Variants in SPATA6L observed in about 807,000 individuals in gnomAD.
The protein encoded by SPATA6L is spermatogenesis associated 6-like protein.
SPATA6L carries 68 observed loss-of-function variants against 49.2 expected under a neutral mutation model. The ratio of observed to expected loss-of-function variants is 1.38; its 90% CI spans 1.14 to 1.69. SPATA6L has a LOEUF of 1.69. Among genes scored for constraint, SPATA6L ranks in the 40% most tolerant of loss-of-function variants. SPATA6L has a pLI of 0.00. For missense variants in SPATA6L, 668 were observed against 464.3 expected (o/e 1.44, Z -4.03); for synonymous variants, 198 against 165.7 (o/e 1.19, Z -1.50).
At chr9:4,604,369 C>A (rs1564113184) in intron 10 of SPATA6L, 100 bp from the exon 11 acceptor site, 2 of 710,072 alleles carry the variant, frequency 2.8e-6, no homozygotes, top group South Asian at 3.5e-5. Context: ...CTGTGCATCC[C>A]ATTTATGCCG....
At chr9:4,641,249 G>A (rs1350031011) in intron 3 of SPATA6L, among the ~76,000 whole-genome samples, 1 of 152,040 alleles carries the variant, frequency 6.6e-6, no homozygotes, top group Admixed American at 6.6e-5. Flanking sequence ...TATATATACT[G>A]TATTTAATAT....
chr9:4,629,246 A>G (rs1468900671), intron 4 of SPATA6L, 78 bp from the exon 5 acceptor site: 5 of 940,960 alleles, frequency 5.3e-6, no homozygotes, highest in South Asian at 1.5e-5. Context: ...TTGAAATCAT[A>G]CAAGAACCTA....
intron 3 of SPATA6L, among the ~76,000 whole-genome samples, chr9:4,653,272 T>C (rs1157516303): frequency 2.0e-5 from 3 of 152,216 alleles, no homozygotes; most frequent in African/African-American, 7.2e-5. Context: ...GAATGGTCTT[T>C]TATCAAATGG....
Position 4,600,160 on chromosome 9 carries a change from G to A in SPATA6L, c.*651C>T, listed in dbSNP as rs10815027. 0.71 allele frequency among the ~76,000 whole-genome samples: 107,164 copies of A among 151,726 alleles called. 38,463 individuals are homozygous for A. The highest frequency in any genetic ancestry group is 0.81 in the Middle Eastern group (237 of 294). Reference sequence around the variant, plus strand: ...TAAATTTACAAAGAATTGCTGGAACGAAGGAGTAGGAAACAGAAGGAGCAG... The same window carrying A: ...TAAATTTACAAAGAATTGCTGGAACAAAGGAGTAGGAAACAGAAGGAGCAG... On this transcript the variant is annotated 3_prime_UTR_variant, in exon 12 of 12. Coordinates refer to ENST00000682582, the MANE Select transcript of SPATA6L (RefSeq NM_001353486.2).
intron 3 of SPATA6L, among the ~76,000 whole-genome samples, chr9:4,637,124 A>G (rs1832965982): frequency 6.6e-6 from 1 of 151,952 alleles, no homozygotes; most frequent in African/African-American, 2.4e-5. Flanking sequence ...AATCTCTCCT[A>G]ATTCATTTAT....
intron 3 of SPATA6L, among the ~76,000 whole-genome samples, chr9:4,652,786 A>C (rs2130734849): frequency 6.7e-6 from 1 of 150,190 alleles, no homozygotes; most frequent in Middle Eastern, 3.5e-3. Flanking sequence ...GGGTGCAGTG[A>C]GCAGAGATCG....
At chr9:4,611,182 A>T (rs1358881756) in intron 9 of SPATA6L, among the ~76,000 whole-genome samples, 3 of 146,716 alleles carry the variant, frequency 2.0e-5, no homozygotes, top group African/African-American at 8.2e-5. Context: ...AAATAGGAAC[A>T]CTTTTACACT....
At chr9:4,594,577 T>G (rs1398147201), downstream of SPATA6L, among the ~76,000 whole-genome samples, 1 of 152,184 alleles carries the variant, frequency 6.6e-6, no homozygotes, top group Non-Finnish European at 1.5e-5. Context: ...CATTTCTTCT[T>G]GCTTTTGACC....
chr9:4,607,088 T>G lies in SPATA6L; in HGVS notation c.996-1648A>C, dbSNP rs1825444881. On this transcript the variant is annotated intron_variant, in intron 9 of 11. Transcript: ENST00000682582. ...ATGAAATGAAGCGAGAAGGGAAGTT[T>G]AGAGAAAAAAGAATAAAAATAAATG... Among the ~76,000 whole-genome samples, 4 of 151,384 alleles carry G rather than the reference T, an allele frequency of 2.6e-5. No individual in the cohort carries two copies. The South Asian group carries it at 8.4e-4, about 32-fold the overall frequency.
chr9:4,606,219 G>T (rs1010172173), intron 9 of SPATA6L, among the ~76,000 whole-genome samples: 1 of 149,278 alleles, frequency 6.7e-6, no homozygotes, highest in Non-Finnish European at 1.5e-5. Context: ...GCGAGGCTGG[G>T]GGAGGGGCGC....
chr9:4,606,449 C>T (rs1383435920), intron 9 of SPATA6L, among the ~76,000 whole-genome samples: 1 of 51,280 alleles, frequency 2.0e-5, no homozygotes, highest in African/African-American at 7.8e-5. Context: ...AGCTGGAGAT[C>T]TGAGAAGGGG....
At chr9:4,608,464 T>A (rs1825858454) in intron 9 of SPATA6L, among the ~76,000 whole-genome samples, 1 of 103,112 alleles carries the variant, frequency 9.7e-6, no homozygotes, top group African/African-American at 5.1e-5. Flanking sequence ...CACAGTGCAA[T>A]CAAACTAGAA....
chr9:4,661,092 A>G (rs1298311585), intron 2 of SPATA6L, among the ~76,000 whole-genome samples: 1 of 152,184 alleles, frequency 6.6e-6, no homozygotes, highest in East Asian at 1.9e-4. Flanking sequence ...ATACATATAT[A>G]ACAAACCAGC....
Position 4,648,767 on chromosome 9 carries a change from AC to A in SPATA6L, c.226+7273del, listed in dbSNP as rs546875314. ...GTGGTGATCTGTGAGATTTTGGTGC[AC>A]CCATCACCCGAGCAGTACACACTGC... On this transcript the variant is annotated intron_variant, in intron 3 of 11. Transcript: ENST00000682582. Among the ~76,000 whole-genome samples the A allele has an allele frequency of 1.7e-3, 253 of 151,880 alleles. 1 individual carries two copies. In the Middle Eastern group the frequency reaches 0.021, roughly 12 times the overall value.
At chr9:4,610,082 C>T (rs1187769580) in intron 9 of SPATA6L, among the ~76,000 whole-genome samples, 1 of 152,102 alleles carries the variant, frequency 6.6e-6, no homozygotes, top group Non-Finnish European at 1.5e-5. Context: ...AGGAATCCAA[C>T]TTACAAGGGA....
chr9:4,595,637 C>T (rs1439749028), downstream of SPATA6L, among the ~76,000 whole-genome samples: 1 of 152,210 alleles, frequency 6.6e-6, no homozygotes, highest in Non-Finnish European at 1.5e-5. Context: ...CAAATCTCTT[C>T]TCTACCTGGT....
intron 7 of SPATA6L, among the ~76,000 whole-genome samples, chr9:4,619,702 T>C (rs1423579404): frequency 6.6e-6 from 1 of 152,118 alleles, no homozygotes; most frequent in East Asian, 1.9e-4. Flanking sequence ...TAGACACAAA[T>C]GTTAAATTGA....
At chr9:4,605,756 T>A (rs1001254276) in intron 9 of SPATA6L, among the ~76,000 whole-genome samples, 6 of 152,364 alleles carry the variant, frequency 3.9e-5, no homozygotes, top group African/African-American at 1.4e-4. Context: ...ACATTTAAAA[T>A]TTTAATCTAA....
chr9:4,660,781 C>G (rs181504218), intron 2 of SPATA6L, among the ~76,000 whole-genome samples: 2,721 of 152,260 alleles, frequency 0.018, 89 homozygotes, highest in African/African-American at 0.062. Flanking sequence ...GGAACCAACC[C>G]AAATGTCCAT....
Sources: gnomAD v4.1 joint callset for allele counts (sites outside exome capture counted in the v4.1 genomes callset) on GRCh38, gnomAD v4.1.1 for gene constraint, MANE v1.5 for transcripts, NCBI Gene and HGNC (gene_info 2026-07-23, HGNC 2026-07-21) for gene names.